Variants in RB1CC1 observed in about 807,000 individuals in gnomAD.
The protein encoded by RB1CC1 is RB1 inducible coiled-coil 1, also known as RB1-inducible coiled-coil protein 1.
A neutral mutation model predicts 177.5 loss-of-function variants in RB1CC1; 46 were observed. The observed-to-expected ratio is 0.26, with a 90% confidence interval of 0.20 to 0.33. RB1CC1 has a LOEUF of 0.33. Among genes scored for constraint, RB1CC1 ranks in the 10% least tolerant of loss-of-function variants. The pLI is 1.00. For missense variants in RB1CC1, 1,703 were observed against 1,816.3 expected (o/e 0.94, Z 1.13); for synonymous variants, 666 against 613.6 (o/e 1.09, Z -1.26).
At chr8:52,625,718 C>G (rs1187418795) in intron 22 of RB1CC1, among the ~76,000 whole-genome samples, 1 of 152,082 alleles carries the variant, frequency 6.6e-6, no homozygotes, top group Admixed American at 6.5e-5. Context: ...TGTTGAATGT[C>G]TCATGTAATT....
At chr8:52,655,340 T>C (rs992332476) in intron 15 of RB1CC1, among the ~76,000 whole-genome samples, 1 of 152,160 alleles carries the variant, frequency 6.6e-6, no homozygotes, top group Non-Finnish European at 1.5e-5. Context: ...AATTATGTTC[T>C]AGAAACTGTT....
rs560682761 is a variant in RB1CC1, at chr8:52,645,870, T to G, written c.3822-3A>C. 23 of 1,582,714 alleles carry G rather than the reference T, an allele frequency of 1.5e-5. No homozygotes were observed. The East Asian group carries it at 4.3e-4, about 30-fold the overall frequency. ...CTCTGGTAGAGTCAATGGCAGGACTTACAAATTAAATACAGCATTAAATTA... is the reference window on the plus strand; with the variant it reads ...CTCTGGTAGAGTCAATGGCAGGACTGACAAATTAAATACAGCATTAAATTA... On this transcript the variant is annotated splice_polypyrimidine_tract_variant and splice_region_variant and intron_variant, in intron 15 of 23. Coordinates refer to ENST00000025008, the MANE Select transcript of RB1CC1 (RefSeq NM_014781.5).
intron 2 of RB1CC1, among the ~76,000 whole-genome samples, chr8:52,686,562 G>T (rs1457789484): frequency 1.3e-5 from 2 of 151,608 alleles, no homozygotes; most frequent in African/African-American, 4.8e-5. Flanking sequence ...AAAAGAGAAA[G>T]AAAAAAAACT....
intron 1 of RB1CC1, among the ~76,000 whole-genome samples, chr8:52,689,549 T>C (rs886728821): frequency 2.0e-5 from 3 of 152,174 alleles, no homozygotes; most frequent in African/African-American, 7.2e-5. Flanking sequence ...TTTGTATTCA[T>C]TATATTCCAG....
intron 18 of RB1CC1, among the ~76,000 whole-genome samples, chr8:52,638,461 T>TAATAC (rs1239715006): frequency 6.6e-6 from 1 of 152,148 alleles, no homozygotes; most frequent in Non-Finnish European, 1.5e-5. Context: ...TATTAGTATA[T>TAATAC]AATACTGGCC....
At chr8:52,655,953 C>T in intron 15 of RB1CC1, 55 bp downstream of exon 15, 1 of 1,347,774 alleles carries the variant, frequency 7.4e-7, no homozygotes, top group Non-Finnish European at 1.0e-6. Context: ...TGATTACACA[C>T]AAACGAATCA....
At chr8:52,631,769 A>T (rs1268905711) in intron 20 of RB1CC1, among the ~76,000 whole-genome samples, 1 of 152,186 alleles carries the variant, frequency 6.6e-6, no homozygotes, top group Non-Finnish European at 1.5e-5. Flanking sequence ...GCACCCCGCT[A>T]CACTCTTCAG....
chr8:52,696,503 TTTAA>T (rs1271253769), intron 1 of RB1CC1, among the ~76,000 whole-genome samples: 1 of 152,050 alleles, frequency 6.6e-6, no homozygotes, highest in Admixed American at 6.6e-5. Context: ...GGAAAACAAC[TTTAA>T]AAGGCTTCTA....
intron 1 of RB1CC1, among the ~76,000 whole-genome samples, chr8:52,710,065 G>C (rs1563483691): frequency 6.6e-6 from 1 of 152,196 alleles, no homozygotes; most frequent in Non-Finnish European, 1.5e-5. Context: ...CCCTCATTGA[G>C]GGGTCACGGG....
At position 52,674,150 on chromosome 8, in the gene RB1CC1, C is replaced by T; in HGVS notation, c.697G>A (p.Glu233Lys). Reference sequence around the variant, plus strand: ...ACCAGTTCAGTGGATCTTTTCATCTCAGCTTTTTCTGAGTCTTCATGTTCA... The same window carrying T: ...ACCAGTTCAGTGGATCTTTTCATCTTAGCTTTTTCTGAGTCTTCATGTTCA... The part of the protein sequence containing the change: ...LPEHEDSEKA[E>K]MKRSTELVLS... The change falls in exon 7 of 24, where the codon GAG (glutamate) becomes AAG (lysine). Residue 233 changes from glutamate to lysine, a missense_variant. Glu to Lys is a moderately conservative substitution (Grantham distance 56). Around this residue, in one of 6 missense-constraint regions of RB1CC1, gnomAD observed 315 missense variants for 304.9 expected, o/e 1.03. Transcript: ENST00000025008. 1.2e-6 allele frequency: 2 copies of T among 1,613,960 alleles called. No homozygotes were observed. Among genetic ancestry groups the T allele is most frequent in the Non-Finnish European group, 1.7e-6 (2 of 1,179,850 alleles).
At chr8:52,709,870 C>T (rs1421578554) in intron 1 of RB1CC1, among the ~76,000 whole-genome samples, 1 of 152,208 alleles carries the variant, frequency 6.6e-6, no homozygotes, top group Non-Finnish European at 1.5e-5. Context: ...ATTTTGGGGG[C>T]ATCTAAACAT....
chr8:52,676,843 T>C (rs1268529685), intron 5 of RB1CC1, among the ~76,000 whole-genome samples: 1 of 152,198 alleles, frequency 6.6e-6, no homozygotes, highest in Non-Finnish European at 1.5e-5. Flanking sequence ...GGCTTTCAAT[T>C]ATTTGACTAA....
chr8:52,677,794 GA>G (rs370204404), intron 5 of RB1CC1, among the ~76,000 whole-genome samples: 1,577 of 152,070 alleles, frequency 0.01, 26 homozygotes, highest in African/African-American at 0.036. Context: ...ATAGAGTGGG[GA>G]AAAAAACTCT....
In RB1CC1 at chr8:52,668,112, G is replaced by A; in HGVS notation, c.1082C>T (p.Ala361Val). The part of the protein sequence containing the change: ...IAKLDNQNMK[A>V]IKGLEDRLYA... ...GAGCCGATCTTCAAGTCCTTTAATG[G>A]CTTTCATATTCTGATTATCAAGTTT... is the stretch of plus-strand genomic sequence containing the variant. The change falls in exon 8 of 24, where the codon GCC becomes GTC. Residue 361 changes from alanine (A) to valine (V), a missense_variant. Ala to Val is a moderately conservative substitution (Grantham distance 64). Transcript: ENST00000025008. The A allele has an allele frequency of 6.2e-7, 1 of 1,614,046 alleles. No individual in the cohort carries two copies. The highest frequency in any genetic ancestry group is 1.3e-5 in the African/African-American group (1 of 75,034).
chr8:52,689,693 C>T (rs566326631), intron 1 of RB1CC1, among the ~76,000 whole-genome samples: 1 of 152,280 alleles, frequency 6.6e-6, no homozygotes, highest in East Asian at 1.9e-4. Flanking sequence ...AAATATCACA[C>T]TGCTTGAACT....
At position 52,685,379 on chromosome 8, in the gene RB1CC1, A is replaced by T. The variant is rs200815421; in HGVS notation, c.71+20T>A. On this transcript the variant is annotated intron_variant, in intron 3 of 23. Coordinates refer to ENST00000025008, the MANE Select transcript of RB1CC1 (RefSeq NM_014781.5). ...CATGCAGACAGAATGCGAAAAAAAA[A>T]TAAATGAAATACAACTCACGTTTGC... 56 of 1,545,126 alleles carry T rather than the reference A, an allele frequency of 3.6e-5. 1 individual carries two copies. In the East Asian group the frequency reaches 1.3e-3, roughly 35 times the overall value.
intron 12 of RB1CC1, 99 bp downstream of exon 12, chr8:52,660,497 C>T: frequency 6.9e-6 from 8 of 1,157,348 alleles, no homozygotes; most frequent in East Asian, 5.0e-5. Flanking sequence ...TTTTTTAAAC[C>T]ACAACAATTT....
intron 15 of RB1CC1, among the ~76,000 whole-genome samples, chr8:52,650,321 G>C (rs917027966): frequency 6.6e-6 from 1 of 152,240 alleles, no homozygotes; most frequent in Non-Finnish European, 1.5e-5. Context: ...GCTGAAGAGA[G>C]AGACTCTGGA....
At position 52,668,173 on chromosome 8, in the gene RB1CC1, G is replaced by C; in HGVS notation, c.1021C>G (p.Arg341Gly). The C allele has an allele frequency of 6.2e-7, 1 of 1,613,436 alleles. No individual in the cohort carries two copies. The highest frequency in any genetic ancestry group is 8.5e-7 in the Non-Finnish European group (1 of 1,179,860). The change falls in exon 8 of 24, where the codon CGA becomes GGA. Residue 341 changes from arginine (R) to glycine (G), a missense_variant. By Grantham distance (125) the Arg-to-Gly change is moderately radical. Transcript: ENST00000025008. ...SMSRLDPRII[R>G]PFIAECRQTI... ...TGACGGCATTCTGCTATAAATGGTC[G>C]AATAATCCTTGGATCAAGCTAAATG...
Sources: gnomAD v4.1 joint callset for allele counts (sites outside exome capture counted in the v4.1 genomes callset) on GRCh38, gnomAD v4.1.1 for gene constraint, gnomAD v4.1.1 regional missense constraint, MANE v1.5 for transcripts, NCBI Gene and HGNC (gene_info 2026-07-23, HGNC 2026-07-21) for gene names.